The following GALNT13 variants were observed in gnomAD, a reference collection of about 807,000 sequenced individuals.
GALNT13 encodes the protein UDP-GalNAc:polypeptide N-acetylgalactosaminyltransferase 13.
GALNT13 carries 28 observed loss-of-function variants against 64.2 expected under a neutral mutation model. The observed-to-expected ratio is 0.44, with a 90% CI of 0.32 to 0.60. The LOEUF (loss-of-function observed/expected upper bound fraction) is 0.60, where lower values mean the gene tolerates loss of function less well. Among genes scored for constraint, GALNT13 ranks in the 20% least tolerant of loss-of-function variants. The pLI is 0.05. For synonymous variants in GALNT13, 214 were observed against 224.6 expected (o/e 0.95, Z 0.42); for missense variants, 577 against 669.8 (o/e 0.86, Z 1.53).
intron 4 of GALNT13, among the ~76,000 whole-genome samples, chr2:154,151,752 T>C (rs547598275): frequency 1.3e-5 from 2 of 152,252 alleles, no homozygotes; most frequent in South Asian, 2.1e-4. Flanking sequence ...AGGATTGCAA[T>C]CCCTGCCTTT....
the GALNT13 span, among the ~76,000 whole-genome samples, chr2:153,738,540 G>A: frequency 1.3e-5 from 2 of 151,792 alleles, no homozygotes; most frequent in Admixed American, 1.3e-4. Flanking sequence ...TAGACAATGA[G>A]CTTTTTGTTT....
intron 3 of GALNT13, among the ~76,000 whole-genome samples, chr2:154,041,531 C>G (rs1179988477): frequency 7.1e-6 from 1 of 140,214 alleles, no homozygotes; most frequent in African/African-American, 2.5e-5. Context: ...AATTCACACA[C>G]AAGAAAAGAG....
chr2:153,511,544 T>TA, the GALNT13 span, among the ~76,000 whole-genome samples: 32 of 152,272 alleles, frequency 2.1e-4, no homozygotes, highest in Non-Finnish European at 3.7e-4. Context: ...ATAACCACTC[T>TA]AGGAAAAAGG....
chr2:154,115,133 C>A (rs1433227362), intron 3 of GALNT13, among the ~76,000 whole-genome samples: 1 of 152,162 alleles, frequency 6.6e-6, no homozygotes, highest in Non-Finnish European at 1.5e-5. Context: ...AAGTGACTAA[C>A]CCACTTCATC....
At chr2:153,970,861 C>T (rs1204495130) in intron 3 of GALNT13, among the ~76,000 whole-genome samples, 1 of 152,114 alleles carries the variant, frequency 6.6e-6, no homozygotes, top group Non-Finnish European at 1.5e-5. Context: ...TGCAAACTTT[C>T]TTTAAAGTAT....
At chr2:153,238,760 T>G in the GALNT13 span, among the ~76,000 whole-genome samples, 1 of 152,142 alleles carries the variant, frequency 6.6e-6, no homozygotes, top group East Asian at 1.9e-4. Context: ...CAGTATAATT[T>G]GAAGTCAGGT....
the GALNT13 span, chr2:153,449,666 C>A: frequency 6.2e-6 from 1 of 162,510 alleles, no homozygotes; most frequent in South Asian, 1.8e-4. Context: ...AATTTATTTT[C>A]TCACAGTTCT....
intron 3 of GALNT13, among the ~76,000 whole-genome samples, chr2:153,969,503 G>T (rs1693604651): frequency 6.6e-6 from 1 of 151,926 alleles, no homozygotes; most frequent in Admixed American, 6.6e-5. Context: ...CATATAGATT[G>T]TTACAATTAT....
chr2:153,682,471 C>T, the GALNT13 span, among the ~76,000 whole-genome samples: 193 of 151,812 alleles, frequency 1.3e-3, 6 homozygotes, highest in East Asian at 0.031. Flanking sequence ...AATTTATTCA[C>T]GTGCATATAT....
intron 7 of GALNT13, among the ~76,000 whole-genome samples, chr2:154,246,826 C>T (rs1689808741): frequency 6.6e-6 from 1 of 151,936 alleles, no homozygotes; most frequent in Admixed American, 6.6e-5. Flanking sequence ...CAACTTTAAA[C>T]AAAATAACAA....
chr2:153,596,758 CAT>C, the GALNT13 span, among the ~76,000 whole-genome samples: 2 of 151,808 alleles, frequency 1.3e-5, no homozygotes, highest in African/African-American at 4.8e-5. Context: ...AAATGATTAA[CAT>C]ATATACACAT....
the GALNT13 span, among the ~76,000 whole-genome samples, chr2:153,684,042 C>G: frequency 6.8e-6 from 1 of 147,426 alleles, no homozygotes; most frequent in East Asian, 2.0e-4. Context: ...TCACTAAAGT[C>G]CTATATCAGT....
At chr2:153,739,864 TA>T in the GALNT13 span, among the ~76,000 whole-genome samples, 1 of 151,656 alleles carries the variant, frequency 6.6e-6, no homozygotes, top group Non-Finnish European at 1.5e-5. Context: ...GTTATAGGTT[TA>T]GGCTAGATTC....
At chr2:154,059,692 A>G (rs1700072757) in intron 3 of GALNT13, among the ~76,000 whole-genome samples, 1 of 150,712 alleles carries the variant, frequency 6.6e-6, no homozygotes, top group Non-Finnish European at 1.5e-5. Flanking sequence ...TAATAGTTGG[A>G]TTTTTGTAAT....
At chr2:153,891,130 C>G (rs1558837425) in intron 1 of GALNT13, among the ~76,000 whole-genome samples, 1 of 151,960 alleles carries the variant, frequency 6.6e-6, no homozygotes, top group African/African-American at 2.4e-5. Context: ...TGTGCTGTAC[C>G]TAGCAAAATG....
the GALNT13 span, among the ~76,000 whole-genome samples, chr2:153,609,677 C>G: frequency 1.3e-5 from 2 of 152,106 alleles, no homozygotes; most frequent in Non-Finnish European, 2.9e-5. Context: ...TAAGCCACTT[C>G]CTGTGACAGA....
the GALNT13 span, among the ~76,000 whole-genome samples, chr2:153,768,233 T>G: frequency 6.6e-6 from 1 of 152,214 alleles, no homozygotes; most frequent in Non-Finnish European, 1.5e-5. Context: ...TTGGAGAATG[T>G]TCCATGCACA....
rs1350540193 is a variant in GALNT13, at chr2:154,016,329, GATT to G, written c.142+71693_142+71695del. Among the ~76,000 whole-genome samples the G allele has an allele frequency of 6.6e-5, 10 of 152,252 alleles. No homozygotes were observed. In the East Asian group the frequency reaches 1.9e-3, roughly 29 times the overall value. On this transcript the variant is annotated intron_variant, in intron 3 of 12. Coordinates refer to ENST00000392825, the MANE Select transcript of GALNT13 (RefSeq NM_052917.4). Reference sequence around the variant, plus strand: ...CATAAACACAGGGGTGATTTTTAAAGATTATGTTTGGCACTTAAGTCTTGATGG... The same window carrying G: ...CATAAACACAGGGGTGATTTTTAAAGATGTTTGGCACTTAAGTCTTGATGG...
chr2:154,184,810 A>G (rs1686164509), intron 4 of GALNT13, among the ~76,000 whole-genome samples: 1 of 152,216 alleles, frequency 6.6e-6, no homozygotes, highest in African/African-American at 2.4e-5. Context: ...CATATAATAT[A>G]TCATTTAAAA....
Sources: gnomAD v4.1 joint callset for allele counts (sites outside exome capture counted in the v4.1 genomes callset) on GRCh38, gnomAD v4.1.1 for gene constraint, MANE v1.5 for transcripts, NCBI Gene and HGNC (gene_info 2026-07-23, HGNC 2026-07-21) for gene names.